The following CRTAC1 variants were observed in gnomAD, a reference collection of about 807,000 sequenced individuals.
The protein encoded by CRTAC1 is acidic secreted protein in cartilage.
CRTAC1 carries 37 observed loss-of-function variants against 67.8 expected under a neutral mutation model. The observed-to-expected ratio is 0.55, with a 90% CI of 0.42 to 0.72. The LOEUF (loss-of-function observed/expected upper bound fraction) is 0.72. Among genes scored for constraint, CRTAC1 ranks in the 30% least tolerant of loss-of-function variants. The pLI is 0.00. For synonymous variants in CRTAC1, 348 were observed against 371.0 expected, an observed-to-expected ratio of 0.94 and a Z score of 0.71; for missense variants, 780 against 931.6, an observed-to-expected ratio of 0.84 and a Z score of 2.12.
chr10:97,884,355 A>AG lies in CRTAC1; in HGVS notation c.1487-5dup, dbSNP rs1277429482. The AG allele has an allele frequency of 1.9e-6, 3 of 1,550,982 alleles. No individual in the cohort carries two copies. The highest frequency in any genetic ancestry group is 3.9e-5 in the Admixed American group (2 of 51,022). ...ACACTGCTGGCTTCATCCTTCCCTG[A>AG]GGGGCAGAAGGAGAGAGCATCAGCA... is the stretch of plus-strand genomic sequence containing the variant. On this transcript the variant is annotated splice_polypyrimidine_tract_variant and splice_region_variant and intron_variant, in intron 11 of 14. Coordinates refer to ENST00000370597, the MANE Select transcript of CRTAC1 (RefSeq NM_018058.7).
chr10:97,986,964 G>A (rs1490932132), intron 2 of CRTAC1, among the ~76,000 whole-genome samples: 2 of 152,346 alleles, frequency 1.3e-5, no homozygotes, highest in African/African-American at 2.4e-5. Context: ...TACATTGCAG[G>A]TGCTCATTAA....
intron 3 of CRTAC1, among the ~76,000 whole-genome samples, chr10:97,933,432 C>G (rs980759813): frequency 2.0e-5 from 3 of 152,242 alleles, no homozygotes; most frequent in African/African-American, 7.2e-5. Flanking sequence ...GTTGGCAAAC[C>G]TCCTCTCAGG....
intron 2 of CRTAC1, among the ~76,000 whole-genome samples, chr10:97,955,778 T>C (rs1254771190): frequency 6.6e-6 from 1 of 152,220 alleles, no homozygotes; most frequent in Admixed American, 6.5e-5. Context: ...TTATCTACGC[T>C]GTGCCCAAGG....
chr10:97,914,526 T>C (rs949085222), intron 5 of CRTAC1, among the ~76,000 whole-genome samples: 2 of 152,218 alleles, frequency 1.3e-5, no homozygotes, highest in Non-Finnish European at 2.9e-5. Context: ...GCCTAGGCTG[T>C]AATGCACAGG....
rs139528075 is a variant in CRTAC1 at position 97,941,238 on chromosome 10, T to C, written c.225-4872A>G. 4.1e-3 allele frequency among the ~76,000 whole-genome samples: 626 copies of C among 152,272 alleles called. 3 individuals carry two copies. Among genetic ancestry groups the C allele is most frequent in the African/African-American group, 0.014 (566 of 41,544 alleles). On this transcript the variant is annotated intron_variant, in intron 2 of 14. Coordinates refer to ENST00000370597, the MANE Select transcript of CRTAC1 (RefSeq NM_018058.7). ...CGCTGTCCTCTGAAAGCACTCTCTCTTCTAGGCCAAGGAGGCCAACTTCCT... is the reference window on the plus strand; with the variant it reads ...CGCTGTCCTCTGAAAGCACTCTCTCCTCTAGGCCAAGGAGGCCAACTTCCT...
At chr10:97,963,918 G>T (rs2051569625) in intron 2 of CRTAC1, among the ~76,000 whole-genome samples, 1 of 152,170 alleles carries the variant, frequency 6.6e-6, no homozygotes, top group African/African-American at 2.4e-5. Context: ...CAATGAGCTG[G>T]AGTTCAAACC....
intron 2 of CRTAC1, among the ~76,000 whole-genome samples, chr10:97,966,822 C>G (rs1371669444): frequency 6.6e-6 from 1 of 152,132 alleles, no homozygotes; most frequent in Admixed American, 6.6e-5. Context: ...ATGTTTTTCT[C>G]AGGGTTAGAC....
At chr10:97,925,037 C>A (rs547177591) in intron 3 of CRTAC1, among the ~76,000 whole-genome samples, 2 of 151,986 alleles carry the variant, frequency 1.3e-5, no homozygotes, top group Non-Finnish European at 2.9e-5. Context: ...GAGGCCAAGG[C>A]GGGCAGATCA....
At chr10:97,877,420 T>C (rs927394544) in intron 14 of CRTAC1, among the ~76,000 whole-genome samples, 4 of 146,856 alleles carry the variant, frequency 2.7e-5, no homozygotes, top group African/African-American at 1.1e-4. Flanking sequence ...TACCATTGTA[T>C]GCCTAGAGCC....
intron 3 of CRTAC1, among the ~76,000 whole-genome samples, chr10:97,926,146 G>A (rs1207956725): frequency 6.6e-6 from 1 of 152,182 alleles, no homozygotes; most frequent in Non-Finnish European, 1.5e-5. Context: ...GTAGGTGGAG[G>A]CTTCAGCACA....
intron 5 of CRTAC1, among the ~76,000 whole-genome samples, chr10:97,912,989 A>G (rs1042472818): frequency 1.3e-5 from 2 of 152,230 alleles, no homozygotes; most frequent in Non-Finnish European, 2.9e-5. Context: ...GAACTTGGCC[A>G]TCTGCTGAGA....
intron 2 of CRTAC1, among the ~76,000 whole-genome samples, chr10:97,977,663 C>T (rs962880485): frequency 4.6e-5 from 7 of 152,096 alleles, no homozygotes; most frequent in African/African-American, 1.7e-4. Context: ...CAGAGAGGAA[C>T]AAGATCTGGT....
intron 6 of CRTAC1, among the ~76,000 whole-genome samples, chr10:97,906,571 A>C (rs753913366): frequency 1.1e-4 from 17 of 152,120 alleles, no homozygotes; most frequent in Admixed American, 9.2e-4. Flanking sequence ...CACCTTATCA[A>C]ATCCTCTAGG....
intron 2 of CRTAC1, among the ~76,000 whole-genome samples, chr10:97,942,971 C>G (rs2051199180): frequency 1.3e-5 from 2 of 151,676 alleles, no homozygotes; most frequent in Non-Finnish European, 2.9e-5. Flanking sequence ...ACTCAGGAGG[C>G]TGAGGTGGGA....
At position 97,923,544 on chromosome 10, in the gene CRTAC1, G is replaced by A. The variant is rs1022793299; in HGVS notation, c.422-144C>T. 8 of 881,504 alleles carry A rather than the reference G, an allele frequency of 9.1e-6. No individual in the cohort carries two copies. The African/African-American group carries it at 1.3e-4, about 15-fold the overall frequency. The allele number at this position is 881,504 out of a possible 1,614,324, so 54.6% of individuals were successfully genotyped here. A position where few individuals can be genotyped will look rare whatever the true frequency, so the allele number is the denominator to read the frequency against. On this transcript the variant is annotated intron_variant, in intron 3 of 14. Coordinates refer to ENST00000370597, the MANE Select transcript of CRTAC1 (RefSeq NM_018058.7). The stretch of plus-strand genomic sequence containing the variant: ...TCTGCGGCAAGGAAGACCTCAAGCA[G>A]GTGAGACTCCTCTGTGTTTGGGGAG...
intron 2 of CRTAC1, among the ~76,000 whole-genome samples, chr10:97,939,788 TC>T (rs2051145034): frequency 6.6e-6 from 1 of 152,096 alleles, no homozygotes; most frequent in African/African-American, 2.4e-5. Context: ...GGGAATGCTT[TC>T]CCCACCTTCC....
At chr10:97,965,622 T>C (rs2136646845) in intron 2 of CRTAC1, among the ~76,000 whole-genome samples, 1 of 152,334 alleles carries the variant, frequency 6.6e-6, no homozygotes, top group Admixed American at 6.5e-5. Flanking sequence ...TTGTTTTTTT[T>C]TTTAAACTGG....
chr10:97,945,945 C>T (rs554034216), intron 2 of CRTAC1, among the ~76,000 whole-genome samples: 120 of 152,180 alleles, frequency 7.9e-4, no homozygotes, highest in African/African-American at 2.8e-3. Flanking sequence ...AGCATGTGCT[C>T]GATGCCCTCG....
rs150915829 is a variant in CRTAC1 at position 97,923,294 on chromosome 10, G to A, written c.528C>T (p.Ala176=). 1.2e-4 allele frequency: 190 copies of A among 1,614,018 alleles called. No homozygotes were observed. The highest frequency in any genetic ancestry group is 1.5e-4 in the Non-Finnish European group (173 of 1,180,052). Residue 176 remains alanine (A), a synonymous_variant, in exon 4 of 15, where the codon GCC becomes GCT. Transcript: ENST00000370597. The part of the protein sequence containing the change: ...NVARGVASLF[A]GRSVACVDRK... ...TGTCCACACAGGCCACAGAGCGTCC[G>A]GCAAAGAGGCTGGCCACACCACGGG... is the stretch of plus-strand genomic sequence containing the variant.
Sources: allele counts gnomAD v4.1 joint callset (sites outside exome capture counted in the v4.1 genomes callset), GRCh38; gene constraint gnomAD v4.1.1; transcripts MANE v1.5; gene names NCBI Gene and HGNC (gene_info 2026-07-23, HGNC 2026-07-21).